Variants in FSTL4 observed in about 807,000 individuals in gnomAD.
FSTL4 encodes follistatin-related protein 4.
A neutral mutation model predicts 78.2 loss-of-function variants in FSTL4; 28 were observed. The ratio of observed to expected loss-of-function variants is 0.36; its 90% CI spans 0.27 to 0.49. FSTL4 has a LOEUF of 0.49. Ranked by LOEUF, FSTL4 falls within the 20% of genes least tolerant of loss-of-function variation. The pLI, the probability that FSTL4 is intolerant of heterozygous loss-of-function variation, is 0.98. For synonymous variants in FSTL4, 422 were observed against 440.5 expected (o/e 0.96, Z 0.53); for missense variants, 922 against 1,084.9 (o/e 0.85, Z 2.11).
At chr5:133,811,393 T>G in the FSTL4 span, among the ~76,000 whole-genome samples, 1 of 152,148 alleles carries the variant, frequency 6.6e-6, no homozygotes, top group Non-Finnish European at 1.5e-5. Flanking sequence ...CTTCCTAGAT[T>G]GCTCTCATAA....
At chr5:133,774,750 T>C in the FSTL4 span, among the ~76,000 whole-genome samples, 2 of 152,252 alleles carry the variant, frequency 1.3e-5, no homozygotes, top group Non-Finnish European at 2.9e-5. Context: ...TCTGTCATAG[T>C]ATAGCCTTAA....
At chr5:133,714,426 C>G in the FSTL4 span, among the ~76,000 whole-genome samples, 1 of 152,148 alleles carries the variant, frequency 6.6e-6, no homozygotes, top group Non-Finnish European at 1.5e-5. Context: ...CAAGCCCACG[C>G]TCTTAACCCT....
intron 3 of FSTL4, among the ~76,000 whole-genome samples, chr5:133,549,118 T>C (rs1314945305): frequency 1.3e-5 from 2 of 152,248 alleles, no homozygotes; most frequent in East Asian, 1.9e-4. Flanking sequence ...CTGGGCTTCC[T>C]GTATCTGAGG....
intron 3 of FSTL4, among the ~76,000 whole-genome samples, chr5:133,526,958 C>A (rs1296732020): frequency 1.3e-5 from 2 of 152,088 alleles, no homozygotes; most frequent in Non-Finnish European, 2.9e-5. Flanking sequence ...CCCAACAGAG[C>A]GGCAACTGGC....
intron 2 of FSTL4, among the ~76,000 whole-genome samples, chr5:133,568,942 A>G (rs748821623): frequency 3.3e-5 from 5 of 152,170 alleles, no homozygotes; most frequent in Non-Finnish European, 7.3e-5. Context: ...TAATTGTTTG[A>G]GTCTACTTTT....
chr5:133,594,992 G>A (rs763854351), intron 2 of FSTL4, among the ~76,000 whole-genome samples: 5 of 152,104 alleles, frequency 3.3e-5, no homozygotes, highest in Admixed American at 6.5e-5. Context: ...CACCTACCCC[G>A]GAGCCACAGA....
chr5:133,821,982 G>T, the FSTL4 span, among the ~76,000 whole-genome samples: 1 of 152,284 alleles, frequency 6.6e-6, no homozygotes, highest in African/African-American at 2.4e-5. Flanking sequence ...GTGACCCTGG[G>T]GGGTCACACT....
chr5:133,417,817 G>A (rs2126984638), intron 3 of FSTL4, among the ~76,000 whole-genome samples: 1 of 151,988 alleles, frequency 6.6e-6, no homozygotes, highest in East Asian at 1.9e-4. Context: ...AAATTAGCCA[G>A]GCGTGGTGGT....
chr5:133,242,295 C>T (rs780935204), intron 7 of FSTL4, among the ~76,000 whole-genome samples: 14 of 152,146 alleles, frequency 9.2e-5, no homozygotes, highest in South Asian at 2.1e-4. Context: ...CAGAGAGTGC[C>T]TTGGAGGGGT....
intron 3 of FSTL4, among the ~76,000 whole-genome samples, chr5:133,506,818 T>A (rs561962554): frequency 6.6e-6 from 1 of 152,352 alleles, no homozygotes; most frequent in Non-Finnish European, 1.5e-5. Flanking sequence ...ATTTGTTGGA[T>A]AAATATTTGT....
chr5:133,453,063 G>GAA (rs1200781559), intron 3 of FSTL4, among the ~76,000 whole-genome samples: 1 of 152,144 alleles, frequency 6.6e-6, no homozygotes, highest in Non-Finnish European at 1.5e-5. Flanking sequence ...AAAAATGAAT[G>GAA]AATGAATGAA....
the FSTL4 span, among the ~76,000 whole-genome samples, chr5:133,688,377 C>A: frequency 6.9e-6 from 1 of 145,908 alleles, no homozygotes; most frequent in Non-Finnish European, 1.5e-5. Flanking sequence ...CACACCATGG[C>A]ACTCCAGCCT....
intron 6 of FSTL4, among the ~76,000 whole-genome samples, chr5:133,259,544 A>C (rs1243276495): frequency 8.0e-6 from 1 of 124,646 alleles, no homozygotes; most frequent in East Asian, 2.2e-4. Context: ...TTTGAGGAGG[A>C]GTCTCGCTCT....
At position 133,197,848 on chromosome 5, in the gene FSTL4, C is replaced by G. The variant is rs967047750; in HGVS notation, c.*1247G>C. On this transcript the variant is annotated 3_prime_UTR_variant, in exon 16 of 16. Transcript: ENST00000265342. ...CTATGTGGGTTGTACTTCTTCGATGCCCATGTGAGAGTCACCACAGCCTGA... is the reference window on the plus strand; with the variant it reads ...CTATGTGGGTTGTACTTCTTCGATGGCCATGTGAGAGTCACCACAGCCTGA... 1 of 152,234 alleles carries G rather than the reference C, an allele frequency of 6.6e-6. No homozygotes were observed. The highest frequency in any genetic ancestry group is 1.9e-4 in the East Asian group (1 of 5,210). The allele number at this position is 152,234 out of a possible 1,614,324, so 9.4% of individuals were successfully genotyped here. A position where few individuals can be genotyped will look rare whatever the true frequency, so the allele number is the denominator to read the frequency against.
At chr5:133,341,225 ATT>A (rs1242311488) in intron 4 of FSTL4, among the ~76,000 whole-genome samples, 62 of 125,372 alleles carry the variant, frequency 4.9e-4, no homozygotes, top group Admixed American at 5.7e-4. Context: ...TCCTGCTCAC[ATT>A]TTTTTTTTTT....
At chr5:133,500,750 C>CA (rs1328200016) in intron 3 of FSTL4, among the ~76,000 whole-genome samples, 1 of 151,986 alleles carries the variant, frequency 6.6e-6, no homozygotes, top group Admixed American at 6.6e-5. Context: ...AACCTATTTC[C>CA]AAAAAAGATT....
chr5:133,644,738 C>T, the FSTL4 span, among the ~76,000 whole-genome samples: 1 of 152,138 alleles, frequency 6.6e-6, no homozygotes, highest in Non-Finnish European at 1.5e-5. Flanking sequence ...TCCCCCAGAC[C>T]CATACCCTGC....
At chr5:133,663,234 G>A in the FSTL4 span, among the ~76,000 whole-genome samples, 1 of 152,066 alleles carries the variant, frequency 6.6e-6, no homozygotes, top group African/African-American at 2.4e-5. Context: ...TATCAAAACT[G>A]GTGAAATCCA....
At chr5:133,530,811 G>GCC (rs1255956943) in intron 3 of FSTL4, among the ~76,000 whole-genome samples, 2 of 152,152 alleles carry the variant, frequency 1.3e-5, no homozygotes, top group Non-Finnish European at 2.9e-5. Flanking sequence ...CTATACCCAG[G>GCC]CCCCACACCC....
Sources: gnomAD v4.1 joint callset for allele counts (sites outside exome capture counted in the v4.1 genomes callset) on GRCh38, gnomAD v4.1.1 for gene constraint, MANE v1.5 for transcripts, NCBI Gene and HGNC (gene_info 2026-07-23, HGNC 2026-07-21) for gene names.